Variants in DSCAML1 observed in about 807,000 individuals in gnomAD.
DSCAML1 encodes cell adhesion molecule DSCAML1.
In DSCAML1, 38 loss-of-function variants were observed where a neutral mutation model predicts 200.5. The observed-to-expected ratio is 0.19, with a 90% CI of 0.15 to 0.25. The LOEUF (loss-of-function observed/expected upper bound fraction) is 0.25. Ranked by LOEUF, DSCAML1 falls within the 10% of genes least tolerant of loss-of-function variation. DSCAML1 has a pLI of 1.00. For missense variants in DSCAML1, 2,223 were observed against 2,858.8 expected (o/e 0.78, Z 5.07); for synonymous variants, 1,215 against 1,165.0 (o/e 1.04, Z -0.87).
intron 3 of DSCAML1, among the ~76,000 whole-genome samples, chr11:117,573,254 A>G (rs1290588427): frequency 6.6e-6 from 1 of 152,248 alleles, no homozygotes; most frequent in East Asian, 1.9e-4. Flanking sequence ...GCTCAGGTCC[A>G]GCTTTCTAGA....
At chr11:117,595,122 G>C (rs938334965) in intron 3 of DSCAML1, among the ~76,000 whole-genome samples, 1 of 150,356 alleles carries the variant, frequency 6.7e-6, no homozygotes, top group Non-Finnish European at 1.5e-5. Context: ...CTTCTCTGAA[G>C]AGATGAGGGT....
intron 3 of DSCAML1, among the ~76,000 whole-genome samples, chr11:117,738,418 A>G (rs1468962818): frequency 1.3e-5 from 2 of 151,928 alleles, no homozygotes; most frequent in Non-Finnish European, 2.9e-5. Context: ...GACGTCAGCC[A>G]GACCCCTCTG....
At chr11:117,588,553 A>G (rs1962032) in intron 3 of DSCAML1, among the ~76,000 whole-genome samples, 31 of 152,262 alleles carry the variant, frequency 2.0e-4, no homozygotes, top group Non-Finnish European at 1.3e-4. Flanking sequence ...ATGCAAACAC[A>G]CAGGCATCCC....
chr11:117,527,510 G>T (rs1042115574), intron 4 of DSCAML1, among the ~76,000 whole-genome samples: 14 of 152,214 alleles, frequency 9.2e-5, no homozygotes, highest in African/African-American at 3.4e-4. Flanking sequence ...TTTCTGGATA[G>T]AAATCCACAT....
rs1459124763 is a variant in DSCAML1, at chr11:117,444,052, G to C, written c.3709-13C>G. 2 of 1,604,058 alleles carry C rather than the reference G, an allele frequency of 1.2e-6. No homozygotes were observed. The highest frequency in any genetic ancestry group is 3.4e-4 in the Middle Eastern group (2 of 5,884). Reference sequence around the variant, plus strand: ...ACTCGCTGGGAGCCTGCGGGGCAGAGGCAAAGAGGCTCTAAGAAGCAGAAC... The same window carrying C: ...ACTCGCTGGGAGCCTGCGGGGCAGACGCAAAGAGGCTCTAAGAAGCAGAAC... On this transcript the variant is annotated splice_polypyrimidine_tract_variant and intron_variant, in intron 20 of 32. Coordinates refer to ENST00000651296, the MANE Select transcript of DSCAML1 (RefSeq NM_020693.4).
At chr11:117,627,551 G>A (rs2052077649) in intron 3 of DSCAML1, among the ~76,000 whole-genome samples, 1 of 152,026 alleles carries the variant, frequency 6.6e-6, no homozygotes, top group South Asian at 2.1e-4. Flanking sequence ...ATTCCCTACG[G>A]CCCAGTGCCT....
At position 117,505,079 on chromosome 11, in the gene DSCAML1, TTA is replaced by T; in HGVS notation, c.2063-38_2063-37del. On this transcript the variant is annotated intron_variant, in intron 9 of 32. Coordinates refer to ENST00000651296, the MANE Select transcript of DSCAML1 (RefSeq NM_020693.4). This position sits in a 1 kb window ranked among gnomAD's most constrained non-coding sequence, Gnocchi z 6.7. The stretch of plus-strand genomic sequence containing the variant: ...AGGGAAGGTAGGGAAACAGACCATT[TTA>T]GTCTCTGATGGGTCTCCTAGGGCTT... 2 of 1,598,154 alleles carry T rather than the reference TTA, an allele frequency of 1.3e-6. No homozygotes were observed. The highest frequency in any genetic ancestry group is 1.7e-6 in the Non-Finnish European group (2 of 1,169,474).
intron 3 of DSCAML1, among the ~76,000 whole-genome samples, chr11:117,720,765 G>T (rs73598666): frequency 0.095 from 14,525 of 152,270 alleles, 1,047 homozygotes; most frequent in African/African-American, 0.19. Context: ...TGAGCAGGGT[G>T]TGTGAGGATT....
chr11:117,707,146 G>T (rs1333554034), intron 3 of DSCAML1, among the ~76,000 whole-genome samples: 4 of 152,202 alleles, frequency 2.6e-5, no homozygotes, highest in Non-Finnish European at 5.9e-5. Context: ...TCAAGTTCCT[G>T]ACATGAATGC....
At chr11:117,600,742 G>T (rs543149419) in intron 3 of DSCAML1, among the ~76,000 whole-genome samples, 1 of 152,218 alleles carries the variant, frequency 6.6e-6, no homozygotes, top group African/African-American at 2.4e-5. Flanking sequence ...GCCGTGCCAC[G>T]TGGCTGTGGA....
At chr11:117,725,446 ACT>A (rs1170392069) in intron 3 of DSCAML1, among the ~76,000 whole-genome samples, 12 of 152,012 alleles carry the variant, frequency 7.9e-5, no homozygotes, top group African/African-American at 2.9e-4. Flanking sequence ...TCCTGCCCAG[ACT>A]CTGATTGAGG....
At chr11:117,610,852 C>A (rs892732586) in intron 3 of DSCAML1, among the ~76,000 whole-genome samples, 41 of 123,644 alleles carry the variant, frequency 3.3e-4, no homozygotes, top group Non-Finnish European at 5.3e-4. Flanking sequence ...CCCCCCCCCC[C>A]ACAATGTGTT....
chr11:117,618,138 A>G (rs2051850942), intron 3 of DSCAML1, among the ~76,000 whole-genome samples: 1 of 152,198 alleles, frequency 6.6e-6, no homozygotes, highest in Non-Finnish European at 1.5e-5. Context: ...TGAAATTTTT[A>G]AGCTATTCAA....
chr11:117,492,331 G>T (rs749260107), intron 11 of DSCAML1, among the ~76,000 whole-genome samples: 1 of 152,140 alleles, frequency 6.6e-6, no homozygotes, highest in Non-Finnish European at 1.5e-5. Flanking sequence ...AAATCTCTCC[G>T]GGACTCTCAT....
chr11:117,447,574 A>C (rs1384755390), intron 20 of DSCAML1, among the ~76,000 whole-genome samples: 1 of 152,024 alleles, frequency 6.6e-6, no homozygotes, highest in African/African-American at 2.4e-5. Flanking sequence ...CTATAATAAA[A>C]TTGCATTATT....
intron 20 of DSCAML1, among the ~76,000 whole-genome samples, chr11:117,448,246 A>C (rs150938887): frequency 5.4e-4 from 82 of 152,332 alleles, no homozygotes; most frequent in African/African-American, 1.9e-3. Context: ...AATGACTGCA[A>C]AAGTCCAGGC....
chr11:117,790,725 G>A (rs977041468), intron 1 of DSCAML1, among the ~76,000 whole-genome samples: 1 of 152,170 alleles, frequency 6.6e-6, no homozygotes, highest in Non-Finnish European at 1.5e-5. Flanking sequence ...CTGCTCTGTA[G>A]GATAGCCAGG....
Position 117,437,370 on chromosome 11 carries a change from A to G in DSCAML1, c.4472T>C (p.Ile1491Thr), listed in dbSNP as rs1316729851. The G allele has an allele frequency of 3.7e-6, 6 of 1,613,992 alleles. No homozygotes were observed. The highest frequency in any genetic ancestry group is 2.2e-5 in the South Asian group (2 of 91,078). ...FSKDQHLFTH[I>T]NSTHARLNLQ... ...GTTAAGCCGAGCATGCGTGGAGTTGATGTGGGTGAAGAGGTGTTGGTCTTT... is the reference window on the plus strand; with the variant it reads ...GTTAAGCCGAGCATGCGTGGAGTTGGTGTGGGTGAAGAGGTGTTGGTCTTT... The change falls in exon 26 of 33, where the codon ATC (isoleucine) becomes ACC (threonine). Residue 1491 changes from isoleucine to threonine, a missense_variant. Transcript: ENST00000651296. The surrounding 1 kb of genome is among the most constrained non-coding windows in gnomAD (Gnocchi z 5.3).
intron 1 of DSCAML1, among the ~76,000 whole-genome samples, chr11:117,789,545 C>G (rs868577201): frequency 3.9e-5 from 6 of 152,226 alleles, no homozygotes; most frequent in African/African-American, 1.4e-4. Flanking sequence ...CCAGTGTTCT[C>G]TCAGTTCTGG....
Sources: allele counts gnomAD v4.1 joint callset (sites outside exome capture counted in the v4.1 genomes callset), GRCh38; gene constraint gnomAD v4.1.1; non-coding constraint Gnocchi (gnomAD v3.1); transcripts MANE v1.5; gene names NCBI Gene and HGNC (gene_info 2026-07-23, HGNC 2026-07-21).